The following CIROZ variants were observed in gnomAD, a reference collection of about 807,000 sequenced individuals.
CIROZ encodes the protein ciliated left-right organizer protein containing ZP-N domains, also known as ciliated left-right organizer ZP-N domains-containing protein.
the CIROZ span, among the ~76,000 whole-genome samples, chr1:10,975,803 G>A: frequency 6.6e-6 from 1 of 152,020 alleles, no homozygotes; most frequent in Non-Finnish European, 1.5e-5. Flanking sequence ...TCTGGACTTC[G>A]CGTCATCATC....
the CIROZ span, among the ~76,000 whole-genome samples, chr1:10,950,236 T>C: frequency 6.6e-5 from 10 of 151,970 alleles, no homozygotes; most frequent in Admixed American, 2.0e-4. Context: ...GGTTTCACCA[T>C]GTTAGCCAGG....
At chr1:10,969,381 T>C in the CIROZ span, among the ~76,000 whole-genome samples, 1 of 152,190 alleles carries the variant, frequency 6.6e-6, no homozygotes. Flanking sequence ...GGAAAGCTCA[T>C]GGCAGAAAGG....
the CIROZ span, chr1:10,948,665 G>A: frequency 8.9e-3 from 14,409 of 1,612,610 alleles, 618 homozygotes; most frequent in African/African-American, 0.12. Context: ...GACTAGCCTG[G>A]ACACCCTCTA....
chr1:10,968,445 T>G, the CIROZ span, among the ~76,000 whole-genome samples: 4 of 152,334 alleles, frequency 2.6e-5, no homozygotes, highest in East Asian at 7.7e-4. Flanking sequence ...ATGCTTTCCT[T>G]TCAAAAGCAC....
At chr1:10,964,961 A>G in the CIROZ span, among the ~76,000 whole-genome samples, 530 of 152,222 alleles carry the variant, frequency 3.5e-3, 7 homozygotes, top group African/African-American at 0.012. Flanking sequence ...TAAAATTCCC[A>G]TTTTACAGAT....
chr1:10,964,260 G>A, the CIROZ span: 6 of 1,612,048 alleles, frequency 3.7e-6, no homozygotes, highest in Admixed American at 5.0e-5. Flanking sequence ...TTTCCAGCCT[G>A]TAATTTGCTT....
chr1:10,978,725 G>T, the CIROZ span, among the ~76,000 whole-genome samples: 1 of 151,958 alleles, frequency 6.6e-6, no homozygotes, highest in African/African-American at 2.4e-5. Flanking sequence ...AAAAGAAAGA[G>T]TCCCATGCAA....
At chr1:10,960,687 G>A in the CIROZ span, among the ~76,000 whole-genome samples, 2 of 152,238 alleles carry the variant, frequency 1.3e-5, no homozygotes, top group Admixed American at 6.5e-5. This position sits in a 1 kb window ranked among gnomAD's most constrained non-coding sequence, Gnocchi z 4.6. Flanking sequence ...AGCAGGGCAC[G>A]GCTCGGGTAC....
At chr1:10,948,360 G>C in the CIROZ span, 1 of 1,613,612 alleles carries the variant, frequency 6.2e-7, no homozygotes, top group Non-Finnish European at 8.5e-7. Flanking sequence ...CCAGGGCCTC[G>C]CCAATGGCTG....
At chr1:10,975,061 C>G in the CIROZ span, among the ~76,000 whole-genome samples, 1 of 152,032 alleles carries the variant, frequency 6.6e-6, no homozygotes, top group Non-Finnish European at 1.5e-5. Flanking sequence ...CACTGGAGGT[C>G]AAGAGTTCAA....
chr1:10,947,712 G>A, the CIROZ span: 4 of 1,547,324 alleles, frequency 2.6e-6, no homozygotes, highest in Non-Finnish European at 3.5e-6. Context: ...TTGAAGCTCA[G>A]GAGGCCTGTG....
the CIROZ span, among the ~76,000 whole-genome samples, chr1:10,957,936 T>C: frequency 6.6e-6 from 1 of 152,278 alleles, no homozygotes; most frequent in East Asian, 1.9e-4. Flanking sequence ...GCTAGCACGC[T>C]TATACTTTAG....
At chr1:10,973,982 T>C in the CIROZ span, among the ~76,000 whole-genome samples, 5 of 150,832 alleles carry the variant, frequency 3.3e-5, no homozygotes, top group Non-Finnish European at 5.9e-5. Flanking sequence ...CTCTGCAAGC[T>C]CAGGGGTGTC....
At chr1:10,979,799 G>A in the CIROZ span, among the ~76,000 whole-genome samples, 3 of 152,230 alleles carry the variant, frequency 2.0e-5, no homozygotes, top group African/African-American at 7.2e-5. Flanking sequence ...TGTAATCCCA[G>A]CACTTTGGGA....
the CIROZ span, among the ~76,000 whole-genome samples, chr1:10,953,664 G>C: frequency 6.6e-6 from 1 of 152,128 alleles, no homozygotes; most frequent in South Asian, 2.1e-4. Context: ...CTCAAAATAG[G>C]TACTGGTATG....
the CIROZ span, chr1:10,947,537 C>CTCACT: frequency 1.2e-6 from 1 of 806,772 alleles, no homozygotes; most frequent in Non-Finnish European, 1.8e-6. Flanking sequence ...CAGAAGAGCA[C>CTCACT]CGGGGCTTCC....
At chr1:10,952,323 G>A in the CIROZ span, among the ~76,000 whole-genome samples, 22 of 152,262 alleles carry the variant, frequency 1.4e-4, no homozygotes, top group African/African-American at 2.9e-4. Flanking sequence ...TTCTTTCCCC[G>A]TGTAAATCTT....
chr1:10,954,757 C>T, the CIROZ span, among the ~76,000 whole-genome samples: 47 of 152,152 alleles, frequency 3.1e-4, no homozygotes, highest in Non-Finnish European at 5.7e-4. Flanking sequence ...TCTCCCACCT[C>T]ATTTTGTAAT....
chr1:10,952,509 G>A, the CIROZ span, among the ~76,000 whole-genome samples: 1 of 152,002 alleles, frequency 6.6e-6, no homozygotes, highest in Admixed American at 6.6e-5. Flanking sequence ...AATTCTCTGG[G>A]CATTTTTTTG....
Sources: allele counts gnomAD v4.1 joint callset (sites outside exome capture counted in the v4.1 genomes callset), GRCh38; gene constraint gnomAD v4.1.1; non-coding constraint Gnocchi (gnomAD v3.1); transcripts MANE v1.5; gene names NCBI Gene and HGNC (gene_info 2026-07-23, HGNC 2026-07-21).